CCL26: variants seen among roughly 807,000 people sequenced by gnomAD.
CCL26 encodes C-C motif chemokine 26.
Under a neutral mutation model 10.7 loss-of-function variants are expected in CCL26, and 10 were observed. The observed-to-expected ratio is 0.93, with a 90% CI of 0.57 to 1.58. The LOEUF is 1.58. Ranked by LOEUF, CCL26 falls within the 40% of genes most tolerant of loss-of-function variation. CCL26 has a pLI of 0.00. For missense variants in CCL26, 116 were observed against 111.0 expected, an observed-to-expected ratio of 1.05 and a Z score of -0.20; for synonymous variants, 43 against 41.4, an observed-to-expected ratio of 1.04 and a Z score of -0.15.
At chr7:75,784,115 C>T (rs1018688656) in intron 1 of CCL26, among the ~76,000 whole-genome samples, 1 of 152,208 alleles carries the variant, frequency 6.6e-6, no homozygotes, top group Non-Finnish European at 1.5e-5. Context: ...ACCCCAGCCA[C>T]ATCTCCATCA....
chr7:75,778,850 G>C (rs561389538), intron 1 of CCL26, among the ~76,000 whole-genome samples: 23 of 152,054 alleles, frequency 1.5e-4, no homozygotes, highest in Admixed American at 2.6e-4. Flanking sequence ...GGCCAAGGTG[G>C]GGGGGGCAGA....
upstream of CCL26, among the ~76,000 whole-genome samples, chr7:75,776,650 GTGAACAC>G (rs1554528776): frequency 1.3e-5 from 2 of 152,018 alleles, no homozygotes; most frequent in Non-Finnish European, 2.9e-5. Flanking sequence ...TGGCTGAGGC[GTGAACAC>G]TTTACGAGAA....
chr7:75,778,191 A>G (rs1242717306), intron 1 of CCL26, among the ~76,000 whole-genome samples: 1 of 151,974 alleles, frequency 6.6e-6, no homozygotes, highest in Non-Finnish European at 1.5e-5. Flanking sequence ...TTGTCTCCAC[A>G]TCTCATCAAC....
intron 1 of CCL26, among the ~76,000 whole-genome samples, chr7:75,778,108 T>G (rs186760788): frequency 5.6e-4 from 86 of 152,336 alleles, no homozygotes; most frequent in African/African-American, 2.0e-3. Flanking sequence ...TTGAACTTTC[T>G]GAAGAAACTC....
At chr7:75,774,946 C>A (rs7783304), upstream of CCL26, among the ~76,000 whole-genome samples, 44,680 of 151,326 alleles carry the variant, frequency 0.3, 7,179 homozygotes, top group African/African-American at 0.43. Context: ...TTGGTCGGGC[C>A]CGGTGGCTCA....
upstream of CCL26, among the ~76,000 whole-genome samples, chr7:75,791,068 G>C (rs559328055): frequency 4.4e-5 from 6 of 137,218 alleles, no homozygotes; most frequent in Admixed American, 3.2e-4. Context: ...CTCTTGTCAC[G>C]CAGGCTGGAG....
intron 1 of CCL26, among the ~76,000 whole-genome samples, chr7:75,777,314 C>G (rs1802962860): frequency 1.3e-5 from 2 of 152,092 alleles, no homozygotes; most frequent in South Asian, 4.1e-4. Context: ...TTTATAATAG[C>G]TCCAAACTGG....
intron 1 of CCL26, among the ~76,000 whole-genome samples, chr7:75,789,461 CTTT>C (rs35341116): frequency 5.1e-4 from 63 of 122,960 alleles, no homozygotes; most frequent in Admixed American, 6.8e-4. Context: ...CTCTTTTTCT[CTTT>C]TTTTTTTTTT....
upstream of CCL26, among the ~76,000 whole-genome samples, chr7:75,774,993 G>A (rs1802905179): frequency 1.3e-5 from 2 of 152,070 alleles, no homozygotes; most frequent in Non-Finnish European, 2.9e-5. Context: ...GCTGATGGGG[G>A]TGGATACCTT....
At chr7:75,779,555 C>T (rs1803014720) in intron 1 of CCL26, among the ~76,000 whole-genome samples, 1 of 152,218 alleles carries the variant, frequency 6.6e-6, no homozygotes, top group Non-Finnish European at 1.5e-5. Flanking sequence ...TCTCTCTTCT[C>T]TTTATTTCAG....
chr7:75,780,809 C>T (rs1163005055), intron 1 of CCL26, among the ~76,000 whole-genome samples: 1 of 152,082 alleles, frequency 6.6e-6, no homozygotes, highest in Non-Finnish European at 1.5e-5. Context: ...GTTGCCAGGC[C>T]GAGCCAGGTC....
At chr7:75,774,159 T>G (rs1205827587), upstream of CCL26, among the ~76,000 whole-genome samples, 12 of 152,152 alleles carry the variant, frequency 7.9e-5, no homozygotes, top group Non-Finnish European at 1.6e-4. Context: ...TTTGTTTTTG[T>G]TTTTATTGAG....
At chr7:75,788,268 T>C (rs1316175130) in intron 1 of CCL26, among the ~76,000 whole-genome samples, 3 of 152,070 alleles carry the variant, frequency 2.0e-5, no homozygotes, top group African/African-American at 7.2e-5. Flanking sequence ...GAAGTGAAAA[T>C]GGCCTGTTCT....
At chr7:75,785,038 A>G (rs1395631700) in intron 1 of CCL26, among the ~76,000 whole-genome samples, 1 of 152,202 alleles carries the variant, frequency 6.6e-6, no homozygotes, top group Non-Finnish European at 1.5e-5. Flanking sequence ...AAAACCAGAC[A>G]AGTCTTACAG....
chr7:75,773,356 A>G (rs547298801), upstream of CCL26, among the ~76,000 whole-genome samples: 7 of 151,890 alleles, frequency 4.6e-5, no homozygotes, highest in African/African-American at 1.7e-4. Context: ...TGCAGGAGGC[A>G]GAGGTTACAG....
chr7:75,780,805 A>T (rs73357667), intron 1 of CCL26, among the ~76,000 whole-genome samples: 29,482 of 151,706 alleles, frequency 0.19, 3,219 homozygotes, highest in Admixed American at 0.35. Flanking sequence ...GCTCGTTGCC[A>T]GGCCGAGCCA....
chr7:75,777,509 A>G (rs1420023921), intron 1 of CCL26, among the ~76,000 whole-genome samples: 1 of 152,088 alleles, frequency 6.6e-6, no homozygotes, highest in Non-Finnish European at 1.5e-5. Context: ...GCACTTTAGG[A>G]AGCCGAGATA....
upstream of CCL26, among the ~76,000 whole-genome samples, chr7:75,772,610 T>C (rs1439311451): frequency 6.7e-6 from 1 of 148,168 alleles, no homozygotes; most frequent in African/African-American, 2.5e-5. Flanking sequence ...TGAGCTGAGA[T>C]GGCACCACTG....
upstream of CCL26, among the ~76,000 whole-genome samples, chr7:75,772,923 T>C (rs374153285): frequency 2.3e-4 from 35 of 152,284 alleles, no homozygotes; most frequent in African/African-American, 8.4e-4. Context: ...TGAAGATAGG[T>C]TTCTGGCTCT....
Sources: allele counts gnomAD v4.1 joint callset (sites outside exome capture counted in the v4.1 genomes callset), GRCh38; gene constraint gnomAD v4.1.1; transcripts MANE v1.5; gene names NCBI Gene and HGNC (gene_info 2026-07-23, HGNC 2026-07-21).